The following TNRC18 variants were observed in gnomAD, a reference collection of about 807,000 sequenced individuals.
TNRC18 encodes the protein trinucleotide repeat-containing gene 18 protein.
In TNRC18, 69 loss-of-function variants were observed where a neutral mutation model predicts 226.7. That is an observed-to-expected ratio of 0.30 (90% CI 0.25 to 0.37). The LOEUF (loss-of-function observed/expected upper bound fraction) is 0.37, where lower values mean the gene tolerates loss of function less well. TNRC18 is among the 10% of genes least tolerant of loss of function. The pLI, the probability that TNRC18 is intolerant of heterozygous loss-of-function variation, is 1.00. For synonymous variants in TNRC18, 2,449 were observed against 1,927.6 expected (o/e 1.27, Z -7.09); for missense variants, 4,754 against 4,256.6 (o/e 1.12, Z -3.25).
rs373305276 is a variant in TNRC18, at chr7:5,324,224, C to A, written c.6432G>T (p.Pro2144=). The change falls in exon 21 of 30, where the codon CCG becomes CCT. Residue 2144 remains proline, a synonymous_variant. Transcript: ENST00000430969. The surrounding 1 kb of genome is among the most constrained non-coding windows in gnomAD (Gnocchi z 4.8). ...ATCACGGCCACTCACCCGGGGTCAGCGGCCGCTCCACAGCCCCGCCACGCG... is the reference window on the plus strand; with the variant it reads ...ATCACGGCCACTCACCCGGGGTCAGAGGCCGCTCCACAGCCCCGCCACGCG... ...HLPRGGAVER[P]LTPAPRSCII... 3.1e-6 allele frequency: 5 copies of A among 1,604,226 alleles called. No homozygotes were observed. The highest frequency in any genetic ancestry group is 2.2e-5 in the South Asian group (2 of 90,332).
chr7:5,342,404 G>A (rs1790771935), intron 18 of TNRC18, among the ~76,000 whole-genome samples: 1 of 151,718 alleles, frequency 6.6e-6, no homozygotes, highest in Admixed American at 6.6e-5. Context: ...ATTCCAGCCT[G>A]GGCGACACAG....
intron 28 of TNRC18, 28 bp from the exon 29 acceptor site, chr7:5,308,977 G>T: frequency 6.3e-7 from 1 of 1,584,770 alleles, no homozygotes; most frequent in Non-Finnish European, 8.6e-7. Flanking sequence ...GAGGGGCTTG[G>T]GTGAGCCCGG....
Position 5,341,629 on chromosome 7 carries a change from T to C in TNRC18, c.5719+3933A>G, listed in dbSNP as rs551056517. 2.2e-3 allele frequency among the ~76,000 whole-genome samples: 333 copies of C among 151,672 alleles called. 2 individuals carry two copies. Among genetic ancestry groups the C allele is most frequent in the African/African-American group, 7.7e-3 (319 of 41,340 alleles). On this transcript the variant is annotated intron_variant, in intron 18 of 29. Transcript: ENST00000430969. ...AAATACAAAAATCAGCCACATGTGG[T>C]GGTGCACGCCTGTAATCCCAGCTAC... is the stretch of plus-strand genomic sequence containing the variant.
chr7:5,365,927 C>A (rs1043873009), intron 11 of TNRC18, among the ~76,000 whole-genome samples: 1 of 152,044 alleles, frequency 6.6e-6, no homozygotes, highest in Admixed American at 6.6e-5. Flanking sequence ...AAAAACTAGC[C>A]GGGCCTGGTG....
intron 2 of TNRC18, among the ~76,000 whole-genome samples, chr7:5,404,272 G>A (rs1244200478): frequency 6.6e-6 from 1 of 152,104 alleles, no homozygotes; most frequent in Admixed American, 6.6e-5. Flanking sequence ...TCAGGAGGCT[G>A]AGGCCGGAGA....
chr7:5,359,627 G>A, intron 14 of TNRC18, 58 bp from the exon 15 acceptor site: 1 of 1,604,036 alleles, frequency 6.2e-7, no homozygotes, highest in Non-Finnish European at 8.5e-7. Context: ...CGCAGGCTGA[G>A]GTCCACCCTC....
chr7:5,410,568 G>T (rs1166580372), intron 2 of TNRC18, among the ~76,000 whole-genome samples: 1 of 151,898 alleles, frequency 6.6e-6, no homozygotes, highest in Non-Finnish European at 1.5e-5. Context: ...CAGTGATGAA[G>T]AATAACAATA....
Position 5,388,447 on chromosome 7 carries a change from G to T in TNRC18, c.1377C>A (p.Tyr459Ter). 1 of 1,458,156 alleles carries T rather than the reference G, an allele frequency of 6.9e-7. No individual in the cohort carries two copies. The highest frequency in any genetic ancestry group is 8.9e-7 in the Non-Finnish European group (1 of 1,117,616). 90.3% of individuals were successfully genotyped at this position (1,458,156 alleles called of 1,614,324 possible). A position where few individuals can be genotyped will look rare whatever the true frequency, so the allele number is the denominator to read the frequency against. Residue 459 changes from tyrosine to a stop codon, truncating the protein, a stop_gained, in exon 5 of 30, where the codon TAC (tyrosine) becomes TAA (stop). Coordinates refer to ENST00000430969, the MANE Select transcript of TNRC18 (RefSeq NM_001080495.3). LOFTEE classifies it high-confidence loss of function. ...ATRASPDPRA[Y>*]VPAKELLKPE... Reference sequence around the variant, plus strand: ...GCTTGAGCAGCTCCTTGGCAGGCACGTAGGCGCGGGGGTCCGGGGAGGCGC... The same window carrying T: ...GCTTGAGCAGCTCCTTGGCAGGCACTTAGGCGCGGGGGTCCGGGGAGGCGC...
chr7:5,334,393 T>C (rs1583811818), intron 18 of TNRC18, among the ~76,000 whole-genome samples: 2 of 151,376 alleles, frequency 1.3e-5, no homozygotes, highest in South Asian at 2.1e-4. Context: ...GCTTCCCGGG[T>C]TCATGCCATT....
intron 25 of TNRC18, among the ~76,000 whole-genome samples, chr7:5,315,416 G>GTT (rs10601250): frequency 2.7e-5 from 4 of 147,518 alleles, no homozygotes; most frequent in African/African-American, 2.5e-5. Flanking sequence ...CTTTTGTTGG[G>GTT]TTTTTTTTTT....
At chr7:5,409,135 T>C (rs1781676431) in intron 2 of TNRC18, among the ~76,000 whole-genome samples, 1 of 148,344 alleles carries the variant, frequency 6.7e-6, no homozygotes, top group Non-Finnish European at 1.5e-5. Flanking sequence ...GCCCCACCCT[T>C]ACATCTGAAT....
chr7:5,403,420 A>G (rs1337029351), intron 2 of TNRC18, among the ~76,000 whole-genome samples: 1 of 152,152 alleles, frequency 6.6e-6, no homozygotes, highest in Non-Finnish European at 1.5e-5. Context: ...TCGGTCTCCC[A>G]AAGTGTTGGG....
chr7:5,319,033 A>G (rs1413489350), intron 24 of TNRC18, among the ~76,000 whole-genome samples: 2 of 152,226 alleles, frequency 1.3e-5, no homozygotes, highest in African/African-American at 4.8e-5. Context: ...GGGAAGGCCC[A>G]AGAATCCAGA....
At chr7:5,318,203 G>A (rs770986161) in intron 24 of TNRC18, among the ~76,000 whole-genome samples, 1 of 152,054 alleles carries the variant, frequency 6.6e-6, no homozygotes, top group Non-Finnish European at 1.5e-5. Flanking sequence ...TCTTTTTGTA[G>A]AGACAGGGTC....
At chr7:5,409,046 T>C (rs1300460162) in intron 2 of TNRC18, among the ~76,000 whole-genome samples, 3 of 152,192 alleles carry the variant, frequency 2.0e-5, no homozygotes, top group African/African-American at 4.8e-5. Flanking sequence ...CGCTGAATTC[T>C]TGCCTGTGAG....
chr7:5,378,298 C>T (rs536438713), intron 5 of TNRC18, among the ~76,000 whole-genome samples: 47 of 152,254 alleles, frequency 3.1e-4, no homozygotes, highest in Non-Finnish European at 4.9e-4. Context: ...ACAACCGTGG[C>T]GATAATTAGG....
intron 2 of TNRC18, among the ~76,000 whole-genome samples, chr7:5,411,515 CAAAAAAA>C (rs764197407): frequency 1.2e-4 from 8 of 65,472 alleles, no homozygotes; most frequent in East Asian, 5.3e-4. Context: ...AAGACTCTGT[CAAAAAAA>C]AAAAAAAAAA....
At chr7:5,375,997 C>T (rs954086234) in intron 9 of TNRC18, 37 bp downstream of exon 9, 2 of 1,553,238 alleles carry the variant, frequency 1.3e-6, no homozygotes, top group Non-Finnish European at 1.7e-6. Context: ...CCATGGGGGC[C>T]CCCAGAGGGA....
intron 24 of TNRC18, among the ~76,000 whole-genome samples, chr7:5,317,002 G>C (rs1787912202): frequency 6.6e-6 from 1 of 152,228 alleles, no homozygotes; most frequent in African/African-American, 2.4e-5. Context: ...CTGAGCGCAG[G>C]GAGGAGGTTG....
Sources: allele counts gnomAD v4.1 joint callset (sites outside exome capture counted in the v4.1 genomes callset), GRCh38; gene constraint gnomAD v4.1.1; non-coding constraint Gnocchi (gnomAD v3.1); transcripts MANE v1.5; gene names NCBI Gene and HGNC (gene_info 2026-07-23, HGNC 2026-07-21).